LRRC56: variants seen among roughly 807,000 people sequenced by gnomAD.
LRRC56 encodes the protein leucine-rich repeat-containing protein 56.
A neutral mutation model predicts 47.8 loss-of-function variants in LRRC56; 41 were observed. That is an observed-to-expected ratio of 0.86 (90% CI 0.67 to 1.11). The LOEUF is 1.11. LRRC56 is among the 50% of genes most tolerant of loss of function. The pLI is 0.00. For synonymous variants in LRRC56, 387 were observed against 311.2 expected (o/e 1.24, Z -2.56); for missense variants, 759 against 704.2 (o/e 1.08, Z -0.88).
At chr11:519,000 G>A in the LRRC56 span, among the ~76,000 whole-genome samples, 1 of 152,124 alleles carries the variant, frequency 6.6e-6, no homozygotes, top group Non-Finnish European at 1.5e-5. Flanking sequence ...GAGGGCGCGC[G>A]AGGCGCCGCA....
At chr11:532,362 G>A in the LRRC56 span, 6 of 568,308 alleles carry the variant, frequency 1.1e-5, no homozygotes, top group Admixed American at 1.8e-4. Flanking sequence ...GACAGTCTGT[G>A]CACAGCCTCC....
At chr11:525,388 A>C in the LRRC56 span, among the ~76,000 whole-genome samples, 1 of 151,684 alleles carries the variant, frequency 6.6e-6, no homozygotes, top group African/African-American at 2.4e-5. Context: ...AAACACAAAA[A>C]ATTAGCCGGC....
At chr11:532,323 G>C in the LRRC56 span, 12 of 512,248 alleles carry the variant, frequency 2.3e-5, no homozygotes, top group Non-Finnish European at 4.3e-5. Flanking sequence ...GCTAAGGGCT[G>C]GGGTTCCGGT....
Position 545,597 on chromosome 11 carries a change from G to A in LRRC56, c.326+817G>A, listed in dbSNP as rs146375057. On this transcript the variant is annotated intron_variant, in intron 6 of 13. Transcript: ENST00000270115. ...CCGGGAGAGGCACAGCAGAGCCTGT[G>A]TACAGAACCCGGACCAGCTCCCAGG... Among the ~76,000 whole-genome samples the A allele has an allele frequency of 1.7e-4, 26 of 152,270 alleles. No homozygotes were observed. The East Asian group carries it at 3.9e-3, about 23-fold the overall frequency.
At chr11:531,584 G>A in the LRRC56 span, among the ~76,000 whole-genome samples, 1 of 152,198 alleles carries the variant, frequency 6.6e-6, no homozygotes, top group Non-Finnish European at 1.5e-5. Context: ...CAGGCGTGGG[G>A]CAAGGGTAGG....
At chr11:518,902 C>CGA in the LRRC56 span, among the ~76,000 whole-genome samples, 2 of 150,482 alleles carry the variant, frequency 1.3e-5, no homozygotes, top group African/African-American at 4.9e-5. Flanking sequence ...GGGACCGGGG[C>CGA]GGGGGGGCGT....
chr11:533,433 G>A (rs201524241), upstream of LRRC56: 5 of 1,611,900 alleles, frequency 3.1e-6, no homozygotes, highest in African/African-American at 4.0e-5. Context: ...GGCTAGCTGT[G>A]GGGTGGAGAG....
Position 554,774 on chromosome 11 carries a change from C to T in LRRC56, c.*498C>T. ...CGTCTCCGGGGGATCTGTAGGGTTCCCGCACTGCGATAGGGCGGCCCGTTC... is the reference window on the plus strand; with the variant it reads ...CGTCTCCGGGGGATCTGTAGGGTTCTCGCACTGCGATAGGGCGGCCCGTTC... On this transcript the variant is annotated 3_prime_UTR_variant, in exon 14 of 14. Transcript: ENST00000270115. 5.8e-6 allele frequency: 3 copies of T among 512,864 alleles called. No homozygotes were observed. The highest frequency in any genetic ancestry group is 1.0e-5 in the Non-Finnish European group (3 of 292,294). 31.8% of individuals were successfully genotyped at this position (512,864 alleles called of 1,614,324 possible). A position where few individuals can be genotyped will look rare whatever the true frequency, so the allele number is the denominator to read the frequency against.
upstream of LRRC56, chr11:534,603 A>G (rs890500393): frequency 3.7e-6 from 2 of 546,614 alleles, no homozygotes; most frequent in Non-Finnish European, 6.6e-6. Flanking sequence ...AAAGGGACCC[A>G]GCCCTCAAAG....
At chr11:532,715 C>G (rs753977266), upstream of LRRC56, 6 of 1,613,062 alleles carry the variant, frequency 3.7e-6, no homozygotes, top group Admixed American at 5.0e-5. Flanking sequence ...CTTGTGCTGC[C>G]GGATCTCACG....
At chr11:532,082 G>A in the LRRC56 span, among the ~76,000 whole-genome samples, 477 of 152,302 alleles carry the variant, frequency 3.1e-3, no homozygotes, top group African/African-American at 0.011. Context: ...TGGGGCAGGC[G>A]GGAGGAGAGA....
intron 5 of LRRC56, among the ~76,000 whole-genome samples, chr11:543,208 G>GTT (rs71022930): frequency 6.7e-6 from 1 of 149,032 alleles, no homozygotes; most frequent in Admixed American, 6.7e-5. Context: ...CCTGTTTTTT[G>GTT]TTTTTTTCAT....
chr11:527,990 C>T, the LRRC56 span, among the ~76,000 whole-genome samples: 123 of 152,272 alleles, frequency 8.1e-4, 2 homozygotes, highest in African/African-American at 6.0e-4. Context: ...CGTGAGCCAC[C>T]GCACCCGGCC....
At chr11:514,367 A>G in the LRRC56 span, among the ~76,000 whole-genome samples, 1 of 150,664 alleles carries the variant, frequency 6.6e-6, no homozygotes, top group Non-Finnish European at 1.5e-5. Context: ...GCTCACGGCA[A>G]CCTCTGCCTC....
At chr11:525,266 A>G in the LRRC56 span, among the ~76,000 whole-genome samples, 2,779 of 148,490 alleles carry the variant, frequency 0.019, 57 homozygotes, top group African/African-American at 0.049. Context: ...CAGGCCAGGC[A>G]CGGTGGCTCA....
chr11:518,990 G>T, the LRRC56 span, among the ~76,000 whole-genome samples: 4 of 151,874 alleles, frequency 2.6e-5, no homozygotes, highest in Non-Finnish European at 4.4e-5. Flanking sequence ...GCGCGCTTAC[G>T]AGGGCGCGCG....
chr11:533,693 C>T (rs1294016028), upstream of LRRC56: 4 of 1,610,666 alleles, frequency 2.5e-6, no homozygotes, highest in African/African-American at 4.0e-5. Flanking sequence ...GGACAGGAGG[C>T]CCCTGCCTGG....
chr11:548,882 TAA>T (rs1852221047), intron 6 of LRRC56, among the ~76,000 whole-genome samples: 1 of 152,194 alleles, frequency 6.6e-6, no homozygotes, highest in Non-Finnish European at 1.5e-5. Flanking sequence ...ACACCCAGCC[TAA>T]TGGCTGCATA....
upstream of LRRC56, chr11:535,204 G>C (rs2134000478): frequency 6.6e-6 from 1 of 150,956 alleles, no homozygotes; most frequent in South Asian, 1.8e-4. Context: ...GATTCCCGCA[G>C]GCCCCAGGGA....
Sources: gnomAD v4.1 joint callset for allele counts (sites outside exome capture counted in the v4.1 genomes callset) on GRCh38, gnomAD v4.1.1 for gene constraint, MANE v1.5 for transcripts, NCBI Gene and HGNC (gene_info 2026-07-23, HGNC 2026-07-21) for gene names.